PTPRD: variants seen among roughly 807,000 people sequenced by gnomAD.
PTPRD encodes the protein receptor-type tyrosine-protein phosphatase delta.
A neutral mutation model predicts 214.5 loss-of-function variants in PTPRD; 34 were observed. The observed-to-expected ratio is 0.16, with a 90% CI of 0.12 to 0.21. PTPRD has a LOEUF of 0.21. Among genes scored for constraint, PTPRD ranks in the 10% least tolerant of loss-of-function variants. The probability of loss-of-function intolerance (pLI) is 1.00; values close to 1 mark genes in which losing one functional copy is unlikely to be tolerated. For synonymous variants in PTPRD, 1,128 were observed against 845.7 expected (o/e 1.33, Z -5.79); for missense variants, 2,545 against 2,398.7 (o/e 1.06, Z -1.27).
chr9:9,961,942 C>T (rs1032099050), intron 4 of PTPRD, among the ~76,000 whole-genome samples: 3 of 151,710 alleles, frequency 2.0e-5, no homozygotes, highest in Non-Finnish European at 2.9e-5. Flanking sequence ...CCTAATTTGA[C>T]CCATCAACAT....
intron 11 of PTPRD, among the ~76,000 whole-genome samples, chr9:8,784,632 G>C (rs1053699067): frequency 7.7e-6 from 1 of 130,168 alleles, no homozygotes; most frequent in African/African-American, 2.5e-5. Context: ...GTGCCTCTGA[G>C]AAAGAGCTCT....
intron 8 of PTPRD, among the ~76,000 whole-genome samples, chr9:9,413,408 C>T (rs2142028719): frequency 6.6e-6 from 1 of 152,156 alleles, no homozygotes; most frequent in African/African-American, 2.4e-5. Flanking sequence ...GCCACCGCGC[C>T]CGGCCTGCAG....
At chr9:9,939,987 T>C (rs2090950681) in intron 4 of PTPRD, among the ~76,000 whole-genome samples, 1 of 152,190 alleles carries the variant, frequency 6.6e-6, no homozygotes, top group Non-Finnish European at 1.5e-5. Flanking sequence ...ACTTCCTGAA[T>C]ATGGATCTTG....
intron 3 of PTPRD, among the ~76,000 whole-genome samples, chr9:10,146,853 C>A (rs930212790): frequency 2.1e-4 from 32 of 152,060 alleles, no homozygotes; most frequent in South Asian, 2.1e-4. Context: ...GGAGCAATAC[C>A]TTGAGAAGTT....
intron 4 of PTPRD, among the ~76,000 whole-genome samples, chr9:9,957,699 T>C (rs2094040438): frequency 6.6e-6 from 1 of 152,018 alleles, no homozygotes; most frequent in Non-Finnish European, 1.5e-5. Context: ...AATCCTAAAA[T>C]TTATATGAAG....
intron 11 of PTPRD, among the ~76,000 whole-genome samples, chr9:8,818,159 C>T (rs1428158823): frequency 6.6e-6 from 1 of 152,090 alleles, no homozygotes; most frequent in Non-Finnish European, 1.5e-5. Context: ...TTTGATACAT[C>T]AGAAGCCAAA....
chr9:8,845,921 G>A (rs956746096), intron 11 of PTPRD, among the ~76,000 whole-genome samples: 13 of 152,184 alleles, frequency 8.5e-5, no homozygotes, highest in African/African-American at 3.1e-4. Flanking sequence ...CAAGGCACCT[G>A]TTGTACATTT....
At chr9:8,637,567 C>G (rs765418144) in intron 12 of PTPRD, among the ~76,000 whole-genome samples, 2 of 152,174 alleles carry the variant, frequency 1.3e-5, no homozygotes, top group African/African-American at 4.8e-5. Context: ...TCAACATCCT[C>G]CATCTCCTTT....
intron 8 of PTPRD, among the ~76,000 whole-genome samples, chr9:9,548,225 T>C (rs2079276539): frequency 6.6e-6 from 1 of 151,300 alleles, no homozygotes; most frequent in African/African-American, 2.4e-5. Context: ...TGATCAATAA[T>C]AAAAGTGACT....
At chr9:9,938,461 A>G (rs1451117474) in intron 5 of PTPRD, 46 bp downstream of exon 5, 3 of 152,130 alleles carry the variant, frequency 2.0e-5, no homozygotes, top group African/African-American at 7.2e-5. Context: ...AAAAATACAC[A>G]TCTTGTGTCA....
At chr9:8,546,507 T>A (rs1458060184) in intron 14 of PTPRD, among the ~76,000 whole-genome samples, 1 of 152,050 alleles carries the variant, frequency 6.6e-6, no homozygotes, top group Non-Finnish European at 1.5e-5. Context: ...TCTTTTTCTT[T>A]TTTTTTTGTG....
chr9:9,121,156 G>A (rs1002878779), intron 10 of PTPRD, among the ~76,000 whole-genome samples: 16 of 152,276 alleles, frequency 1.1e-4, no homozygotes, highest in African/African-American at 3.4e-4. Flanking sequence ...TGGCATAGAT[G>A]CTGTCATAGT....
intron 5 of PTPRD, among the ~76,000 whole-genome samples, chr9:9,818,481 T>A (rs2049519112): frequency 6.6e-6 from 1 of 152,102 alleles, no homozygotes; most frequent in African/African-American, 2.4e-5. Flanking sequence ...TGAGTAATGT[T>A]GATGTTACTA....
At chr9:8,941,650 T>G (rs1002239381) in intron 11 of PTPRD, among the ~76,000 whole-genome samples, 1 of 152,158 alleles carries the variant, frequency 6.6e-6, no homozygotes, top group Non-Finnish European at 1.5e-5. Flanking sequence ...AATATTATAT[T>G]TCACAAAGTT....
chr9:9,947,115 T>C (rs2092668783), intron 4 of PTPRD, among the ~76,000 whole-genome samples: 1 of 149,692 alleles, frequency 6.7e-6, no homozygotes, highest in Non-Finnish European at 1.5e-5. Context: ...AACTGAAAAG[T>C]TGACACGTCC....
At chr9:9,116,932 T>C (rs1038955087) in intron 10 of PTPRD, among the ~76,000 whole-genome samples, 1 of 152,180 alleles carries the variant, frequency 6.6e-6, no homozygotes, top group African/African-American at 2.4e-5. Context: ...TTACCATGCC[T>C]GACCCATAGT....
intron 10 of PTPRD, among the ~76,000 whole-genome samples, chr9:9,089,049 AAAG>A (rs1294094750): frequency 3.3e-5 from 5 of 152,296 alleles, no homozygotes; most frequent in African/African-American, 1.2e-4. Flanking sequence ...CCCCTAGTAA[AAAG>A]AAGGTCTTTC....
intron 9 of PTPRD, among the ~76,000 whole-genome samples, chr9:9,277,768 T>C (rs1946221362): frequency 6.6e-6 from 1 of 151,356 alleles, no homozygotes; most frequent in African/African-American, 2.4e-5. Flanking sequence ...TTTGATTACT[T>C]TACATTACCA....
intron 14 of PTPRD, among the ~76,000 whole-genome samples, chr9:8,611,680 G>C (rs1419223108): frequency 6.6e-6 from 1 of 150,484 alleles, no homozygotes; most frequent in Non-Finnish European, 1.5e-5. Flanking sequence ...CTGCACTCCA[G>C]CCTGAGTGAC....
Sources: gnomAD v4.1 joint callset for allele counts (sites outside exome capture counted in the v4.1 genomes callset) on GRCh38, gnomAD v4.1.1 for gene constraint, MANE v1.5 for transcripts, NCBI Gene and HGNC (gene_info 2026-07-23, HGNC 2026-07-21) for gene names.